C1orf185: variants seen among roughly 807,000 people sequenced by gnomAD.
The protein encoded by C1orf185 is uncharacterized protein C1orf185.
Under a neutral mutation model 16.1 loss-of-function variants are expected in C1orf185, and 13 were observed. That is an observed-to-expected ratio of 0.81 (90% CI 0.53 to 1.28). The LOEUF (loss-of-function observed/expected upper bound fraction) is 1.28, where lower values mean the gene tolerates loss of function less well. Among genes scored for constraint, C1orf185 ranks in the 50% most tolerant of loss-of-function variants. The pLI is 0.00. For missense variants in C1orf185, 220 were observed against 225.2 expected (o/e 0.98, Z 0.15); for synonymous variants, 80 against 76.9 (o/e 1.04, Z -0.21).
intron 3 of C1orf185, among the ~76,000 whole-genome samples, chr1:51,130,977 A>G (rs1443288902): frequency 6.6e-6 from 1 of 152,154 alleles, no homozygotes; most frequent in Admixed American, 6.5e-5. Context: ...ATCTTGGCTC[A>G]CAGCAACCTC....
chr1:51,125,380 C>T (rs529961721), intron 3 of C1orf185, among the ~76,000 whole-genome samples: 21 of 152,280 alleles, frequency 1.4e-4, no homozygotes, highest in Admixed American at 2.6e-4. Flanking sequence ...ATATATCCAG[C>T]TAGTGATTCC....
chr1:51,114,331 A>G (rs1646143040), intron 2 of C1orf185, among the ~76,000 whole-genome samples: 2 of 152,220 alleles, frequency 1.3e-5, no homozygotes, highest in Non-Finnish European at 2.9e-5. Flanking sequence ...AATAGCTAAC[A>G]CTGACTGCTT....
At chr1:51,139,303 A>C (rs1020621151) in intron 3 of C1orf185, among the ~76,000 whole-genome samples, 4 of 151,888 alleles carry the variant, frequency 2.6e-5, no homozygotes, top group African/African-American at 9.7e-5. Context: ...GGCTTTCACC[A>C]TGTTGGCCAA....
chr1:51,107,730 T>G (rs1646084254), intron 1 of C1orf185, among the ~76,000 whole-genome samples: 1 of 152,160 alleles, frequency 6.6e-6, no homozygotes, highest in South Asian at 2.1e-4. Context: ...ATCCCAGAAC[T>G]CCCCCTGATG....
At chr1:51,112,968 C>G (rs1306382389) in intron 2 of C1orf185, among the ~76,000 whole-genome samples, 1 of 151,910 alleles carries the variant, frequency 6.6e-6, no homozygotes, top group Non-Finnish European at 1.5e-5. Flanking sequence ...TACAGGTTCG[C>G]ACCACGACAC....
At chr1:51,129,181 G>C (rs1646265272) in intron 3 of C1orf185, among the ~76,000 whole-genome samples, 1 of 152,106 alleles carries the variant, frequency 6.6e-6, no homozygotes, top group Admixed American at 6.5e-5. Context: ...CACCGTGCCT[G>C]GCCACGCAGC....
chr1:51,134,494 C>A (rs1349183446), intron 3 of C1orf185, among the ~76,000 whole-genome samples: 1 of 145,916 alleles, frequency 6.9e-6, no homozygotes, highest in Non-Finnish European at 1.5e-5. Flanking sequence ...AAAATCAGAG[C>A]TGAACTGAAG....
In C1orf185 at chr1:51,147,462, T is replaced by A; in HGVS notation, c.296-5T>A. 2 of 1,510,048 alleles carry A rather than the reference T, an allele frequency of 1.3e-6. No homozygotes were observed. The highest frequency in any genetic ancestry group is 1.8e-6 in the Non-Finnish European group (2 of 1,129,402). The allele number at this position is 1,510,048 out of a possible 1,614,324, so 93.5% of individuals were successfully genotyped here. On this transcript the variant is annotated splice_polypyrimidine_tract_variant and splice_region_variant and intron_variant, in intron 4 of 4. Coordinates refer to ENST00000371759, the MANE Select transcript of C1orf185 (RefSeq NM_001136508.2). ...ATAATATTCATAGTAAATCTGTTTT[T>A]ACAGCAATTAAAGATCATTCTAAAG...
chr1:51,119,942 A>G (rs1646185506), intron 3 of C1orf185, among the ~76,000 whole-genome samples: 1 of 152,176 alleles, frequency 6.6e-6, no homozygotes. Flanking sequence ...AATAAGTACA[A>G]CATCATATGA....
intron 4 of C1orf185, among the ~76,000 whole-genome samples, chr1:51,147,070 A>T (rs1189529928): frequency 6.6e-6 from 1 of 152,152 alleles, no homozygotes; most frequent in Non-Finnish European, 1.5e-5. Flanking sequence ...GTTATTTCTA[A>T]TATCATAAAT....
rs891941342 is a variant in C1orf185 at position 51,144,748 on chromosome 1, A to C, written c.259-976A>C. 3.1e-4 allele frequency among the ~76,000 whole-genome samples: 47 copies of C among 152,094 alleles called. 1 individual carries two copies. Among genetic ancestry groups the C allele is most frequent in the African/African-American group, 1.1e-3 (47 of 41,414 alleles). On this transcript the variant is annotated intron_variant, in intron 3 of 4. Transcript: ENST00000371759. ...GGAGTTATTCTAACAAAATGAATAA[A>C]AGTATCCTAAATAAGCTTTTTTGGG...
chr1:51,105,256 C>T (rs576664069), intron 1 of C1orf185, among the ~76,000 whole-genome samples: 4 of 152,050 alleles, frequency 2.6e-5, no homozygotes, highest in African/African-American at 7.2e-5. Context: ...TGTGAGCCAA[C>T]GCTCCCCACC....
intron 2 of C1orf185, among the ~76,000 whole-genome samples, chr1:51,114,282 T>C (rs1646142687): frequency 6.6e-6 from 1 of 152,236 alleles, no homozygotes; most frequent in Admixed American, 6.5e-5. Flanking sequence ...ATTTGTGCCA[T>C]TGGCAGTTTC....
chr1:51,120,967 T>C (rs1161703787), intron 3 of C1orf185, among the ~76,000 whole-genome samples: 1 of 152,202 alleles, frequency 6.6e-6, no homozygotes, highest in Non-Finnish European at 1.5e-5. Flanking sequence ...TTCAGGATTC[T>C]TTTATTTATT....
At chr1:51,121,192 G>T (rs559156185) in intron 3 of C1orf185, among the ~76,000 whole-genome samples, 5 of 151,980 alleles carry the variant, frequency 3.3e-5, no homozygotes. Context: ...TTGTACAATA[G>T]ATTCCTTGAA....
rs150693186 is a variant in C1orf185, at chr1:51,146,226, C to A, written c.295+466C>A. Among the ~76,000 whole-genome samples the A allele has an allele frequency of 3.6e-3, 546 of 151,784 alleles. 1 individual carries two copies. Among genetic ancestry groups the A allele is most frequent in the Non-Finnish European group, 4.4e-3 (300 of 67,872 alleles). ...ATAATCCCAGCACTTTGGGAGGTCG[C>A]GGTGGGCAGATCACTTGAGGCCAGG... On this transcript the variant is annotated intron_variant, in intron 4 of 4. Coordinates refer to ENST00000371759, the MANE Select transcript of C1orf185 (RefSeq NM_001136508.2).
downstream of C1orf185, among the ~76,000 whole-genome samples, chr1:51,151,501 T>A (rs1175598260): frequency 2.6e-5 from 4 of 151,944 alleles, no homozygotes; most frequent in South Asian, 4.2e-4. Flanking sequence ...AACTTTTTTT[T>A]AAAGTGAATA....
intron 3 of C1orf185, among the ~76,000 whole-genome samples, chr1:51,122,653 A>G (rs1570302793): frequency 1.3e-5 from 2 of 152,184 alleles, no homozygotes; most frequent in Admixed American, 1.3e-4. Flanking sequence ...TATGTAGTCT[A>G]TGGGTTTTGA....
chr1:51,131,765 G>C (rs1409585336), intron 3 of C1orf185, among the ~76,000 whole-genome samples: 4 of 152,184 alleles, frequency 2.6e-5, no homozygotes, highest in African/African-American at 9.7e-5. Context: ...GCCATGGATT[G>C]CTGGCCAGTA....
Sources: allele counts gnomAD v4.1 joint callset (sites outside exome capture counted in the v4.1 genomes callset), GRCh38; gene constraint gnomAD v4.1.1; transcripts MANE v1.5; gene names NCBI Gene and HGNC (gene_info 2026-07-23, HGNC 2026-07-21).